DMD: variants seen among roughly 807,000 people sequenced by gnomAD.
DMD encodes dystrophin, also known as mutant dystrophin.
A neutral mutation model predicts 330.1 loss-of-function variants in DMD; 63 were observed. The ratio of observed to expected loss-of-function variants is 0.19; its 90% CI spans 0.16 to 0.24. DMD has a LOEUF of 0.24. Ranked by LOEUF, DMD falls within the 10% of genes least tolerant of loss-of-function variation. DMD has a pLI of 1.00. For missense variants in DMD, 3,344 were observed against 2,684.1 expected, an observed-to-expected ratio of 1.25 and a Z score of -5.43; for synonymous variants, 1,223 against 959.8, an observed-to-expected ratio of 1.27 and a Z score of -5.07.
intron 44 of DMD, among the ~76,000 whole-genome samples, chrX:32,173,565 G>A (rs1360756601): frequency 9.1e-6 from 1 of 110,144 alleles, no homozygotes; most frequent in Non-Finnish European, 1.9e-5. Flanking sequence ...TAGAGACGGA[G>A]TTTCACCGTG....
At chrX:32,513,184 A>T (rs890022139) in intron 18 of DMD, among the ~76,000 whole-genome samples, 1 of 108,247 alleles carries the variant, frequency 9.2e-6, no homozygotes, top group African/African-American at 3.6e-5. Flanking sequence ...CAACCAGAGA[A>T]CATCAGACTG....
chrX:33,305,252 T>C (rs2053739519), intron 1 of DMD, among the ~76,000 whole-genome samples: 1 of 105,907 alleles, frequency 9.4e-6, no homozygotes, highest in Non-Finnish European at 1.9e-5. Flanking sequence ...AAATGATGAG[T>C]TCATGTCCTT....
chrX:31,347,375 C>T (rs921504612), intron 61 of DMD, among the ~76,000 whole-genome samples: 1 of 107,799 alleles, frequency 9.3e-6, no homozygotes, highest in East Asian at 3.0e-4. Flanking sequence ...ACCCATTAAC[C>T]ACCCTCTCTT....
At chrX:32,395,521 CGT>C (rs1167628823) in intron 30 of DMD, among the ~76,000 whole-genome samples, 3 of 110,885 alleles carry the variant, frequency 2.7e-5, no homozygotes, top group Non-Finnish European at 5.7e-5. Flanking sequence ...TGGATACATA[CGT>C]AACAAACCTG....
intron 11 of DMD, among the ~76,000 whole-genome samples, chrX:32,623,693 T>C (rs1261897699): frequency 9.1e-6 from 1 of 109,698 alleles, no homozygotes. Context: ...CCCTGGCAAA[T>C]TTTTAACTCT....
intron 1 of DMD, among the ~76,000 whole-genome samples, chrX:33,028,522 C>T (rs2094044784): frequency 8.9e-6 from 1 of 112,042 alleles, no homozygotes; most frequent in Non-Finnish European, 1.9e-5. Context: ...ACCTTATATA[C>T]ATCTACCAGG....
At chrX:32,162,348 G>A (rs1239626792) in intron 44 of DMD, among the ~76,000 whole-genome samples, 1 of 110,652 alleles carries the variant, frequency 9.0e-6, no homozygotes, top group African/African-American at 3.3e-5. Flanking sequence ...ATACAGAAGT[G>A]CCAGAGTGTG....
chrX:32,345,959 T>A lies in DMD; in HGVS notation c.5570A>T (p.Lys1857Ile). 8.3e-7 allele frequency: 1 copy of A among 1,209,609 alleles called. No individual in the cohort carries two copies. The highest frequency in any genetic ancestry group is 1.1e-6 in the Non-Finnish European group (1 of 894,336). Reference sequence around the variant, plus strand: ...CTCTAATACCTTGAGAGCATTATGTTTTGTCTGTAACAGCTGCTGTTTTAT... The same window carrying A: ...CTCTAATACCTTGAGAGCATTATGTATTGTCTGTAACAGCTGCTGTTTTAT... ...IKIKQQLLQT[K>I]HNALKDLRSQ... Residue 1857 changes from lysine (K) to isoleucine (I), a missense_variant, in exon 39 of 79, where the codon AAA becomes ATA. Coordinates refer to ENST00000357033, the MANE Select transcript of DMD (RefSeq NM_004006.3).
chrX:32,436,481 T>A (rs2098261741), intron 29 of DMD, among the ~76,000 whole-genome samples: 1 of 111,571 alleles, frequency 9.0e-6, no homozygotes, highest in African/African-American at 3.3e-5. Context: ...GTTGCTGAAA[T>A]GAATTATTTT....
At chrX:32,110,346 T>C (rs1205700278) in intron 44 of DMD, among the ~76,000 whole-genome samples, 1 of 111,781 alleles carries the variant, frequency 8.9e-6, no homozygotes, top group Non-Finnish European at 1.9e-5. Context: ...CTAAGGCTGA[T>C]CCTGGAATCA....
At chrX:31,201,603 C>T (rs1806736644) in intron 67 of DMD, among the ~76,000 whole-genome samples, 2 of 111,905 alleles carry the variant, frequency 1.8e-5, no homozygotes, top group South Asian at 7.5e-4. Flanking sequence ...AGGTTGGTCT[C>T]CTGATAAGGG....
intron 60 of DMD, among the ~76,000 whole-genome samples, chrX:31,379,059 C>G (rs2060025849): frequency 9.1e-6 from 1 of 110,190 alleles, no homozygotes. Context: ...GTCTCTGTTC[C>G]CAATGCAACT....
intron 2 of DMD, among the ~76,000 whole-genome samples, chrX:32,881,925 G>C (rs1216171285): frequency 8.9e-6 from 1 of 111,788 alleles, no homozygotes; most frequent in South Asian, 3.7e-4. Flanking sequence ...CAAGCCTGGA[G>C]GAGGGACAAA....
intron 43 of DMD, among the ~76,000 whole-genome samples, chrX:32,219,638 T>C (rs1427567290): frequency 4.5e-5 from 5 of 111,473 alleles, no homozygotes; most frequent in Admixed American, 1.9e-4. Flanking sequence ...GAAGTACCAG[T>C]TGGTCACGAC....
At chrX:32,784,444 G>A (rs1371516182) in intron 7 of DMD, among the ~76,000 whole-genome samples, 1 of 111,770 alleles carries the variant, frequency 8.9e-6, no homozygotes, top group African/African-American at 3.2e-5. Context: ...GTTAGCTCAG[G>A]TGTCAGTTCT....
At chrX:31,147,731 C>T (rs908274221) in intron 74 of DMD, among the ~76,000 whole-genome samples, 2 of 109,040 alleles carry the variant, frequency 1.8e-5, no homozygotes, top group African/African-American at 6.7e-5. Context: ...AAATTTGAAG[C>T]TTTTGCCTGG....
chrX:32,889,898 C>A (rs1258580484), intron 2 of DMD, among the ~76,000 whole-genome samples: 2 of 111,150 alleles, frequency 1.8e-5, no homozygotes, highest in Non-Finnish European at 3.8e-5. Context: ...ACAATCAGGT[C>A]CCCTCCAGAA....
chrX:32,383,664 T>C (rs369587285), intron 33 of DMD, among the ~76,000 whole-genome samples: 1 of 110,853 alleles, frequency 9.0e-6, no homozygotes, highest in South Asian at 3.7e-4. Context: ...ATATGATTTC[T>C]TCATACACTT....
At chrX:31,892,563 C>T (rs112872430) in intron 47 of DMD, among the ~76,000 whole-genome samples, 1,305 of 111,739 alleles carry the variant, frequency 0.012, 15 homozygotes, top group African/African-American at 0.039. Context: ...TGATTTTATC[C>T]TTATGCAAAC....
Sources: allele counts gnomAD v4.1 joint callset (sites outside exome capture counted in the v4.1 genomes callset), GRCh38; gene constraint gnomAD v4.1.1; transcripts MANE v1.5; gene names NCBI Gene and HGNC (gene_info 2026-07-23, HGNC 2026-07-21).